The following PSMD6 variants were observed in gnomAD, a reference collection of about 807,000 sequenced individuals.
PSMD6 encodes the protein 26S proteasome non-ATPase regulatory subunit 6.
In PSMD6, 7 loss-of-function variants were observed where a neutral mutation model predicts 44.9. The ratio of observed to expected loss-of-function variants is 0.16; its 90% CI spans 0.09 to 0.29. PSMD6 has a LOEUF of 0.29. Ranked by LOEUF, PSMD6 falls within the 10% of genes least tolerant of loss-of-function variation. The pLI is 1.00. For synonymous variants in PSMD6, 184 were observed against 172.7 expected (o/e 1.07, Z -0.51); for missense variants, 420 against 482.6 (o/e 0.87, Z 1.21).
intron 5 of PSMD6, 193 bp from the exon 6 acceptor site, chr3:64,013,800 C>G (rs149171346): frequency 4.5e-5 from 19 of 425,758 alleles, no homozygotes; most frequent in Non-Finnish European, 7.8e-5. Flanking sequence ...ATGCAAACAT[C>G]GTCTTCAAGT....
intron 5 of PSMD6, 186 bp downstream of exon 5, chr3:64,018,413 A>G: frequency 2.0e-6 from 1 of 505,804 alleles, no homozygotes; most frequent in South Asian, 2.8e-5. Flanking sequence ...TGGGCCATAC[A>G]GCAGGCCACA....
Sources: allele counts gnomAD v4.1 joint callset, GRCh38; gene constraint gnomAD v4.1.1; transcripts MANE v1.5; gene names NCBI Gene and HGNC (gene_info 2026-07-23, HGNC 2026-07-21).